Variants in VAV3 observed in about 807,000 individuals in gnomAD.
VAV3 encodes guanine nucleotide exchange factor VAV3.
Under a neutral mutation model 131.2 loss-of-function variants are expected in VAV3, and 94 were observed. The observed-to-expected ratio is 0.72, with a 90% CI of 0.61 to 0.85. VAV3 has a LOEUF of 0.85. Among genes scored for constraint, VAV3 ranks in the 40% least tolerant of loss-of-function variants. The probability of loss-of-function intolerance (pLI) is 0.00; values close to 1 mark genes in which losing one functional copy is unlikely to be tolerated. For missense variants in VAV3, 939 were observed against 1,002.7 expected, an observed-to-expected ratio of 0.94 and a Z score of 0.86; for synonymous variants, 349 against 342.0, an observed-to-expected ratio of 1.02 and a Z score of -0.22.
At chr1:107,710,486 C>T (rs1478133387) in intron 15 of VAV3, among the ~76,000 whole-genome samples, 1 of 151,916 alleles carries the variant, frequency 6.6e-6, no homozygotes, top group East Asian at 1.9e-4. Flanking sequence ...TATATTTTGG[C>T]CAACAGATAC....
At chr1:107,864,943 T>C (rs1012086724) in intron 2 of VAV3, among the ~76,000 whole-genome samples, 3 of 152,118 alleles carry the variant, frequency 2.0e-5, no homozygotes, top group Non-Finnish European at 4.4e-5. Context: ...AATGAGTAAA[T>C]GATGGGTGAA....
chr1:107,739,297 T>C (rs948846764), intron 15 of VAV3, among the ~76,000 whole-genome samples: 4 of 152,230 alleles, frequency 2.6e-5, no homozygotes, highest in Non-Finnish European at 5.9e-5. Context: ...CTTTCGCATG[T>C]TTCCGGATCA....
intron 25 of VAV3, among the ~76,000 whole-genome samples, chr1:107,582,569 C>A (rs1395452605): frequency 1.6e-5 from 2 of 125,142 alleles, no homozygotes; most frequent in African/African-American, 3.0e-5. Flanking sequence ...CCCCTCCCCC[C>A]ACCCCACAAC....
At chr1:107,673,779 T>C (rs1250267158) in intron 19 of VAV3, 1 of 152,176 alleles carries the variant, frequency 6.6e-6, no homozygotes, top group Non-Finnish European at 1.5e-5. Context: ...TTAATAAACA[T>C]GTGGCTGCAC....
At chr1:107,938,511 TG>T (rs1673833755) in intron 1 of VAV3, among the ~76,000 whole-genome samples, 1 of 152,028 alleles carries the variant, frequency 6.6e-6, no homozygotes, top group Non-Finnish European at 1.5e-5. Flanking sequence ...GGGGCAGAAA[TG>T]GAAGAGGAAG....
intron 25 of VAV3, among the ~76,000 whole-genome samples, chr1:107,574,639 A>C (rs1649488204): frequency 6.6e-6 from 1 of 152,346 alleles, no homozygotes; most frequent in African/African-American, 2.4e-5. Flanking sequence ...AACTGCTTTA[A>C]CTAACACTCA....
At chr1:107,737,226 A>G (rs1368272995) in intron 15 of VAV3, among the ~76,000 whole-genome samples, 2 of 152,270 alleles carry the variant, frequency 1.3e-5, no homozygotes, top group Non-Finnish European at 2.9e-5. Context: ...AAAAGCATAA[A>G]TGTTAGACCT....
chr1:107,962,227 A>G (rs1227698194), intron 1 of VAV3, among the ~76,000 whole-genome samples: 1 of 152,190 alleles, frequency 6.6e-6, no homozygotes, highest in African/African-American at 2.4e-5. Flanking sequence ...GACATCTCTA[A>G]CTCCAGGGGA....
chr1:107,958,323 A>G (rs930940564), intron 1 of VAV3, among the ~76,000 whole-genome samples: 6 of 152,322 alleles, frequency 3.9e-5, no homozygotes, highest in Non-Finnish European at 5.9e-5. Context: ...GTGTGTAGAC[A>G]TGTATTTGGA....
chr1:107,935,382 T>C (rs188087951), intron 1 of VAV3, among the ~76,000 whole-genome samples: 7 of 152,248 alleles, frequency 4.6e-5, no homozygotes, highest in Admixed American at 3.3e-4. Flanking sequence ...GAAGTAAATA[T>C]ATAATTCTCC....
intron 2 of VAV3, among the ~76,000 whole-genome samples, chr1:107,811,881 T>C (rs1355596514): frequency 6.6e-6 from 1 of 151,268 alleles, no homozygotes; most frequent in Non-Finnish European, 1.5e-5. Context: ...ACAAGGAAAA[T>C]TGACAGATTA....
At chr1:107,816,904 T>C (rs1486128146) in intron 2 of VAV3, among the ~76,000 whole-genome samples, 2 of 152,212 alleles carry the variant, frequency 1.3e-5, no homozygotes, top group African/African-American at 4.8e-5. Context: ...AAGCCTTTAC[T>C]GATCATTGGT....
At chr1:107,917,086 G>A (rs1283918439) in intron 1 of VAV3, among the ~76,000 whole-genome samples, 2 of 152,142 alleles carry the variant, frequency 1.3e-5, no homozygotes, top group East Asian at 1.9e-4. Context: ...ATCAAGCTGG[G>A]TGCAGAAAGT....
chr1:107,944,225 T>A (rs1385961180), intron 1 of VAV3, among the ~76,000 whole-genome samples: 2 of 152,246 alleles, frequency 1.3e-5, no homozygotes, highest in Non-Finnish European at 2.9e-5. Context: ...CCCTCTCATC[T>A]TCTACTTACC....
intron 1 of VAV3, among the ~76,000 whole-genome samples, chr1:107,938,588 C>T (rs1673837343): frequency 6.6e-6 from 1 of 152,108 alleles, no homozygotes; most frequent in Admixed American, 6.5e-5. Flanking sequence ...TCCAGAAGTG[C>T]CCAGTGGATG....
At chr1:107,668,027 C>G (rs949129145) in intron 19 of VAV3, among the ~76,000 whole-genome samples, 6 of 152,138 alleles carry the variant, frequency 3.9e-5, no homozygotes, top group Admixed American at 6.6e-5. Flanking sequence ...AGGACCCAGA[C>G]AGTCATATGA....
At chr1:107,629,514 T>C (rs1654286119) in intron 20 of VAV3, among the ~76,000 whole-genome samples, 1 of 152,210 alleles carries the variant, frequency 6.6e-6, no homozygotes, top group Admixed American at 6.6e-5. Flanking sequence ...GTAAAAACTA[T>C]GCCTTACACC....
At chr1:107,672,872 G>C (rs190292898) in intron 19 of VAV3, among the ~76,000 whole-genome samples, 2 of 152,230 alleles carry the variant, frequency 1.3e-5, no homozygotes, top group Non-Finnish European at 2.9e-5. Context: ...ATAGTGAAAA[G>C]AACAATACAA....
chr1:107,924,662 G>C (rs1489027610), intron 1 of VAV3, among the ~76,000 whole-genome samples: 1 of 152,090 alleles, frequency 6.6e-6, no homozygotes, highest in Admixed American at 6.5e-5. Context: ...TGATTTAACT[G>C]ACAGTAGCTA....
Sources: gnomAD v4.1 joint callset for allele counts (sites outside exome capture counted in the v4.1 genomes callset) on GRCh38, gnomAD v4.1.1 for gene constraint, MANE v1.5 for transcripts, NCBI Gene and HGNC (gene_info 2026-07-23, HGNC 2026-07-21) for gene names.